The following KAZN variants were observed in gnomAD, a reference collection of about 807,000 sequenced individuals.
The protein encoded by KAZN is kazrin, periplakin interacting protein, also known as kazrin.
A neutral mutation model predicts 87.4 loss-of-function variants in KAZN; 40 were observed. The ratio of observed to expected loss-of-function variants is 0.46; its 90% CI spans 0.36 to 0.60. The LOEUF is 0.60. Among genes scored for constraint, KAZN ranks in the 20% least tolerant of loss-of-function variants. The pLI is 0.00. For synonymous variants in KAZN, 466 were observed against 458.3 expected, an observed-to-expected ratio of 1.02 and a Z score of -0.22; for missense variants, 898 against 1,073.9, an observed-to-expected ratio of 0.84 and a Z score of 2.29.
At chr1:14,469,260 T>G (rs1668322055) in intron 2 of KAZN, among the ~76,000 whole-genome samples, 2 of 152,210 alleles carry the variant, frequency 1.3e-5, no homozygotes, top group South Asian at 4.1e-4. Flanking sequence ...GTATAAAGTG[T>G]TCCAATAGAT....
At chr1:14,853,804 C>T (rs1298762598) in intron 1 of KAZN, among the ~76,000 whole-genome samples, 1 of 152,154 alleles carries the variant, frequency 6.6e-6, no homozygotes, top group African/African-American at 2.4e-5. Context: ...GGTGCTAGTA[C>T]AGAAGTTCTC....
chr1:14,697,582 G>A (rs116651733), intron 1 of KAZN, among the ~76,000 whole-genome samples: 4,275 of 152,200 alleles, frequency 0.028, 210 homozygotes, highest in African/African-American at 0.097. Context: ...GGGCTGCGTC[G>A]TCAGTGGGCA....
chr1:14,194,302 G>A (rs551739074), intron 2 of KAZN, among the ~76,000 whole-genome samples: 1 of 152,274 alleles, frequency 6.6e-6, no homozygotes, highest in Non-Finnish European at 1.5e-5. Context: ...GGGACAAGTT[G>A]AGTCTCCCAG....
intron 2 of KAZN, among the ~76,000 whole-genome samples, chr1:14,404,339 C>T (rs754913853): frequency 3.9e-5 from 6 of 151,998 alleles, no homozygotes; most frequent in Non-Finnish European, 8.8e-5. Context: ...GTCTGCAGCT[C>T]GATTTTTCAG....
chr1:14,423,100 T>C (rs562831282), intron 2 of KAZN, among the ~76,000 whole-genome samples: 3 of 152,324 alleles, frequency 2.0e-5, no homozygotes, highest in South Asian at 4.1e-4. Context: ...GAAGGCCCTG[T>C]CTACTTAGCA....
chr1:14,662,944 A>AAAATAT (rs148046835), intron 1 of KAZN, among the ~76,000 whole-genome samples: 3 of 142,852 alleles, frequency 2.1e-5, no homozygotes, highest in African/African-American at 5.2e-5. Context: ...TATATATGTA[A>AAAATAT]ATATATATAT....
intron 1 of KAZN, among the ~76,000 whole-genome samples, chr1:14,794,748 G>T (rs944891996): frequency 6.6e-6 from 1 of 152,162 alleles, no homozygotes; most frequent in Non-Finnish European, 1.5e-5. Context: ...TTTGATTGAA[G>T]GATGCAAAGT....
chr1:14,418,484 T>G (rs1557706464), intron 2 of KAZN, among the ~76,000 whole-genome samples: 1 of 152,220 alleles, frequency 6.6e-6, no homozygotes, highest in East Asian at 1.9e-4. Context: ...ACCTCTATGT[T>G]GTAAGTTTTC....
chr1:14,933,237 A>G (rs1273758268), intron 1 of KAZN, among the ~76,000 whole-genome samples: 1 of 152,048 alleles, frequency 6.6e-6, no homozygotes, highest in South Asian at 2.1e-4. Context: ...GATTACACAC[A>G]TGTGCCACCA....
At chr1:14,392,917 T>C (rs1442844661) in intron 2 of KAZN, among the ~76,000 whole-genome samples, 2 of 152,156 alleles carry the variant, frequency 1.3e-5, no homozygotes, top group Non-Finnish European at 2.9e-5. Context: ...TGGGGTCTTC[T>C]GGTCAGGAGG....
chr1:14,514,619 A>ATATTTTATATTT lies in KAZN; in HGVS notation c.250-84361_250-84360insTTTATATTTTAT, dbSNP rs1557770564. ...TTTATATATATATATATATATATAT[A>ATATTTTATATTT]TATATATATATATATATATATCTCA... is the stretch of plus-strand genomic sequence containing the variant. On this transcript the variant is annotated intron_variant, in intron 2 of 16. Transcript: ENST00000636203. 7.5e-5 allele frequency among the ~76,000 whole-genome samples: 4 copies of ATATTTTATATTT among 53,156 alleles called. No individual in the cohort carries two copies. The Admixed American group carries it at 1.0e-3, about 14-fold the overall frequency. 34.9% of individuals were successfully genotyped at this position (53,156 alleles called of 152,430 possible).
At chr1:14,462,479 T>C (rs1240592599) in intron 2 of KAZN, among the ~76,000 whole-genome samples, 1 of 152,184 alleles carries the variant, frequency 6.6e-6, no homozygotes, top group Non-Finnish European at 1.5e-5. Flanking sequence ...AGAATATTGT[T>C]CTAGGATTTC....
chr1:14,824,682 CT>C (rs938295728), intron 1 of KAZN, among the ~76,000 whole-genome samples: 1 of 152,200 alleles, frequency 6.6e-6, no homozygotes, highest in African/African-American at 2.4e-5. Flanking sequence ...ATTTATGTTA[CT>C]GTGATCATCA....
intron 1 of KAZN, among the ~76,000 whole-genome samples, chr1:14,101,606 C>T (rs1209913838): frequency 6.6e-6 from 1 of 152,170 alleles, no homozygotes; most frequent in Non-Finnish European, 1.5e-5. Flanking sequence ...TACCTTTGGA[C>T]ATTTGTGTTG....
chr1:15,072,289 T>G (rs189415864), intron 8 of KAZN, among the ~76,000 whole-genome samples: 17 of 152,320 alleles, frequency 1.1e-4, no homozygotes, highest in Admixed American at 1.0e-3. Context: ...AAATCAAAAC[T>G]TGTCCCTGGG....
chr1:14,169,620 G>A lies in KAZN; in HGVS notation c.92-10815G>A, dbSNP rs144213339. Among the ~76,000 whole-genome samples, 8 of 152,296 alleles carry A rather than the reference G, an allele frequency of 5.3e-5. No homozygotes were observed. In the East Asian group the frequency reaches 1.5e-3, roughly 29 times the overall value. ...TGTCCATCCCCGAGGACTGTCCCCT[G>A]CAGCAGGGTCACCCTGGTGGTCGTG... On this transcript the variant is annotated intron_variant, in intron 1 of 16. Transcript: ENST00000636203.
At chr1:14,728,029 T>A (rs1244889691) in intron 1 of KAZN, among the ~76,000 whole-genome samples, 1 of 151,798 alleles carries the variant, frequency 6.6e-6, no homozygotes, top group Non-Finnish European at 1.5e-5. Flanking sequence ...CTCACGCCTG[T>A]AATCCCAGCA....
intron 1 of KAZN, among the ~76,000 whole-genome samples, chr1:14,939,261 C>T (rs12029616): frequency 6.7e-6 from 1 of 149,138 alleles, no homozygotes; most frequent in Non-Finnish European, 1.5e-5. Context: ...TGTGAGCCAC[C>T]GTGCCTGGCC....
At chr1:15,054,721 C>G (rs981032035) in intron 4 of KAZN, among the ~76,000 whole-genome samples, 2 of 152,116 alleles carry the variant, frequency 1.3e-5, no homozygotes, top group African/African-American at 4.8e-5. Context: ...TGCCGTTTTT[C>G]TCCCCAAAAG....
Sources: allele counts gnomAD v4.1 joint callset (sites outside exome capture counted in the v4.1 genomes callset), GRCh38; gene constraint gnomAD v4.1.1; transcripts MANE v1.5; gene names NCBI Gene and HGNC (gene_info 2026-07-23, HGNC 2026-07-21).